The following HSD17B3 variants were observed in gnomAD, a reference collection of about 807,000 sequenced individuals.
HSD17B3 encodes the protein hydroxysteroid 17-beta dehydrogenase 3.
In HSD17B3, 29 loss-of-function variants were observed where a neutral mutation model predicts 41.1. The ratio of observed to expected loss-of-function variants is 0.71; its 90% CI spans 0.53 to 0.96. The LOEUF (loss-of-function observed/expected upper bound fraction) is 0.96, where lower values mean the gene tolerates loss of function less well. HSD17B3 is among the 40% of genes least tolerant of loss of function. The pLI is 0.00. For missense variants in HSD17B3, 323 were observed against 374.6 expected, an observed-to-expected ratio of 0.86 and a Z score of 1.14; for synonymous variants, 126 against 145.6, an observed-to-expected ratio of 0.87 and a Z score of 0.97.
intron 2 of HSD17B3, among the ~76,000 whole-genome samples, chr9:96,276,805 G>A (rs562175292): frequency 6.6e-6 from 1 of 152,342 alleles, no homozygotes; most frequent in Admixed American, 6.5e-5. Flanking sequence ...AAGATTATTA[G>A]AGGAAGACAT....
At chr9:96,287,465 C>A (rs932792759) in intron 2 of HSD17B3, among the ~76,000 whole-genome samples, 8 of 152,064 alleles carry the variant, frequency 5.3e-5, no homozygotes, top group Admixed American at 1.3e-4. Flanking sequence ...AATGCCAGCA[C>A]TTTGGGAGGC....
intron 3 of HSD17B3, among the ~76,000 whole-genome samples, chr9:96,254,414 T>C (rs759311876): frequency 9.2e-5 from 14 of 152,230 alleles, no homozygotes; most frequent in African/African-American, 1.4e-4. Flanking sequence ...CTTTCATATG[T>C]AAAAATGTAA....
intron 2 of HSD17B3, among the ~76,000 whole-genome samples, chr9:96,277,359 AACTT>A (rs1188664076): frequency 6.6e-6 from 1 of 152,218 alleles, no homozygotes; most frequent in African/African-American, 2.4e-5. Flanking sequence ...GAGCTAATAA[AACTT>A]AATAGCAAAA....
At position 96,244,320 on chromosome 9, in the gene HSD17B3, C is replaced by T; in HGVS notation, c.672+9G>A. 2.5e-6 allele frequency: 4 copies of T among 1,614,028 alleles called. No individual in the cohort carries two copies. Among genetic ancestry groups the T allele is most frequent in the South Asian group, 1.1e-5 (1 of 91,078 alleles). On this transcript the variant is annotated intron_variant, in intron 9 of 10. Coordinates refer to ENST00000375263, the MANE Select transcript of HSD17B3 (RefSeq NM_000197.2). Reference sequence around the variant, plus strand: ...ATGATGACAAGGACTCCACAGCTGCCCACCTCACCTGGATGATGACTTCTT... The same window carrying T: ...ATGATGACAAGGACTCCACAGCTGCTCACCTCACCTGGATGATGACTTCTT...
rs528655722 is a variant in HSD17B3 at position 96,299,070 on chromosome 9, C to A, written c.155-608G>T. On this transcript the variant is annotated intron_variant, in intron 1 of 10. Transcript: ENST00000375263. ...CTCAATAGAACTATCTGTTAATATACAACAGTCAAATAGGTCTGCTAGTCC... is the reference window on the plus strand; with the variant it reads ...CTCAATAGAACTATCTGTTAATATAAAACAGTCAAATAGGTCTGCTAGTCC... Among the ~76,000 whole-genome samples the A allele has an allele frequency of 1.2e-4, 19 of 152,302 alleles. 1 individual carries two copies. Among genetic ancestry groups the A allele is most frequent in the African/African-American group, 4.6e-4 (19 of 41,562 alleles).
intron 5 of HSD17B3, 53 bp downstream of exon 5, chr9:96,251,365 G>C: frequency 6.7e-7 from 1 of 1,495,138 alleles, no homozygotes; most frequent in Admixed American, 1.7e-5. Flanking sequence ...ACCCAGCCAG[G>C]GGACCCAGAA....
Position 96,235,439 on chromosome 9 carries a change from G to C in HSD17B3, c.*21C>G. 1 of 1,544,548 alleles carries C rather than the reference G, an allele frequency of 6.5e-7. No homozygotes were observed. Among genetic ancestry groups the C allele is most frequent in the Non-Finnish European group, 8.9e-7 (1 of 1,119,700 alleles). On this transcript the variant is annotated 3_prime_UTR_variant, in exon 11 of 11. Coordinates refer to ENST00000375263, the MANE Select transcript of HSD17B3 (RefSeq NM_000197.2). Reference sequence around the variant, plus strand: ...ATGGGACTGGTGAGGAAAAGGTTGTGCTGGACTCCTCACCGCCTGGCTACC... The same window carrying C: ...ATGGGACTGGTGAGGAAAAGGTTGTCCTGGACTCCTCACCGCCTGGCTACC...
At chr9:96,260,925 A>G (rs923575349) in intron 2 of HSD17B3, among the ~76,000 whole-genome samples, 1 of 152,096 alleles carries the variant, frequency 6.6e-6, no homozygotes, top group African/African-American at 2.4e-5. Context: ...ACCTCACAGT[A>G]AAGGAGAGGG....
intron 3 of HSD17B3, among the ~76,000 whole-genome samples, chr9:96,254,536 A>T (rs1387923693): frequency 6.6e-6 from 1 of 152,254 alleles, no homozygotes; most frequent in Non-Finnish European, 1.5e-5. Flanking sequence ...TCTCTTTCTT[A>T]TTCAGAAAAC....
intron 2 of HSD17B3, among the ~76,000 whole-genome samples, chr9:96,276,649 A>G (rs75371986): frequency 1.0e-5 from 1 of 98,960 alleles, no homozygotes; most frequent in Non-Finnish European, 2.0e-5. Context: ...AGAGCACACA[A>G]TTAGGAAAAG....
intron 6 of HSD17B3, chr9:96,247,384 G>T (rs1176412779): frequency 6.6e-6 from 1 of 152,590 alleles, no homozygotes; most frequent in Non-Finnish European, 1.5e-5. Flanking sequence ...AGACATCAAG[G>T]CACCTGGGGA....
At chr9:96,240,204 C>T (rs947164604) in intron 10 of HSD17B3, among the ~76,000 whole-genome samples, 4 of 152,244 alleles carry the variant, frequency 2.6e-5, no homozygotes, top group Admixed American at 6.5e-5. Flanking sequence ...CAAACCTGCA[C>T]GTTTTGCACA....
chr9:96,287,389 AAT>A (rs1826964027), intron 2 of HSD17B3, among the ~76,000 whole-genome samples: 11 of 152,188 alleles, frequency 7.2e-5, no homozygotes, highest in Admixed American at 7.2e-4. Flanking sequence ...CTGCTGCAGA[AAT>A]GTGACTGTCG....
intron 2 of HSD17B3, among the ~76,000 whole-genome samples, chr9:96,291,192 AG>A (rs1206754503): frequency 2.0e-5 from 3 of 151,986 alleles, no homozygotes; most frequent in Non-Finnish European, 4.4e-5. Context: ...ATAACAGAGG[AG>A]GCCTCATGGA....
At chr9:96,295,224 C>G (rs907674196) in intron 2 of HSD17B3, among the ~76,000 whole-genome samples, 3 of 151,972 alleles carry the variant, frequency 2.0e-5, no homozygotes, top group African/African-American at 7.2e-5. Flanking sequence ...TCAGGCTGGT[C>G]TGGAACTCCT....
intron 2 of HSD17B3, among the ~76,000 whole-genome samples, chr9:96,297,506 C>T (rs550274307): frequency 1.3e-5 from 2 of 152,056 alleles, no homozygotes; most frequent in Admixed American, 6.6e-5. Flanking sequence ...GCCAACACAC[C>T]CTGCTAATTT....
chr9:96,275,629 G>T (rs1826422591), intron 2 of HSD17B3, among the ~76,000 whole-genome samples: 1 of 151,746 alleles, frequency 6.6e-6, no homozygotes, highest in African/African-American at 2.4e-5. Flanking sequence ...ACACAAAGAG[G>T]GGAGAACAAA....
rs746298954 is a variant in HSD17B3, at chr9:96,249,772, A to G, written c.468T>C (p.Cys156=). ...ATACCTTGACTACGGAGGTGATGTT[A>G]CAATGGATGAGGCTCTGTAATAAAT... ...APDEIQSLIH[C]NITSVVKMTQ... Residue 156 remains cysteine, a synonymous_variant, in exon 6 of 11, where the codon TGT becomes TGC. Transcript: ENST00000375263. 7 of 1,614,118 alleles carry G rather than the reference A, an allele frequency of 4.3e-6. No individual in the cohort carries two copies. The highest frequency in any genetic ancestry group is 5.9e-6 in the Non-Finnish European group (7 of 1,179,974).
At chr9:96,243,872 C>G (rs1174745589) in intron 9 of HSD17B3, among the ~76,000 whole-genome samples, 3 of 152,166 alleles carry the variant, frequency 2.0e-5, no homozygotes, top group African/African-American at 7.2e-5. Context: ...AGGTCCCCTC[C>G]CCTGGTGACT....
Sources: gnomAD v4.1 joint callset for allele counts (sites outside exome capture counted in the v4.1 genomes callset) on GRCh38, gnomAD v4.1.1 for gene constraint, MANE v1.5 for transcripts, NCBI Gene and HGNC (gene_info 2026-07-23, HGNC 2026-07-21) for gene names.